FHOD3: variants seen among roughly 807,000 people sequenced by gnomAD.
The protein encoded by FHOD3 is FH1/FH2 domain-containing protein 3.
FHOD3 carries 90 observed loss-of-function variants against 173.0 expected under a neutral mutation model. The observed-to-expected ratio is 0.52, with a 90% CI of 0.44 to 0.62. The LOEUF (loss-of-function observed/expected upper bound fraction) is 0.62, where lower values mean the gene tolerates loss of function less well. Among genes scored for constraint, FHOD3 ranks in the 20% least tolerant of loss-of-function variants. FHOD3 has a pLI of 0.00. For synonymous variants in FHOD3, 828 were observed against 823.0 expected (o/e 1.01, Z -0.10); for missense variants, 1,945 against 2,034.7 (o/e 0.96, Z 0.85).
rs2040569513 is a variant in FHOD3, at chr18:36,718,265, G to A, written c.2967G>A (p.Glu989=). Residue 989 remains glutamate (E), a synonymous_variant, in exon 19 of 29, where the codon GAG becomes GAA. Coordinates refer to ENST00000590592, the MANE Select transcript of FHOD3 (RefSeq NM_001281740.3). ...IWDQLMANPR[E]LRIQDMDFTD... is the part of the protein sequence containing the mutation. ...ACCAGCTCATGGCCAATCCAAGAGA[G>A]CTCAGAATCCAAGACATGGATTTCA... The A allele has an allele frequency of 2.5e-6, 4 of 1,614,050 alleles. No homozygotes were observed. The East Asian group carries it at 6.7e-5, about 27-fold the overall frequency.
intron 3 of FHOD3, among the ~76,000 whole-genome samples, chr18:36,380,552 GTTTTCTTTTCT>G (rs2047696990): frequency 1.3e-5 from 1 of 79,454 alleles, no homozygotes; most frequent in Non-Finnish European, 2.4e-5. Context: ...TCTTTCTTTT[GTTTTCTTTTCT>G]TTTCTTTTCT....
At chr18:36,430,936 T>C (rs980396773) in intron 3 of FHOD3, among the ~76,000 whole-genome samples, 2 of 152,066 alleles carry the variant, frequency 1.3e-5, no homozygotes, top group Non-Finnish European at 2.9e-5. Flanking sequence ...TAAAAAAAAA[T>C]CAGTGTCCTC....
At chr18:36,693,794 G>A (rs1417905078) in intron 17 of FHOD3, among the ~76,000 whole-genome samples, 1 of 152,148 alleles carries the variant, frequency 6.6e-6, no homozygotes, top group South Asian at 2.1e-4. Context: ...CTTACCCGAG[G>A]AACTGTTAGT....
At chr18:36,618,155 A>G (rs1408888042) in intron 9 of FHOD3, among the ~76,000 whole-genome samples, 3 of 149,430 alleles carry the variant, frequency 2.0e-5, no homozygotes, top group African/African-American at 2.5e-5. Context: ...TTGTAACTCA[A>G]TGTTTTGCTA....
chr18:36,646,778 C>G (rs891798965), intron 10 of FHOD3, among the ~76,000 whole-genome samples: 1 of 151,992 alleles, frequency 6.6e-6, no homozygotes, highest in Non-Finnish European at 1.5e-5. Flanking sequence ...CTGGTGTAAA[C>G]AACAACAACA....
chr18:36,541,589 T>A (rs954668266), intron 5 of FHOD3, among the ~76,000 whole-genome samples: 1 of 152,130 alleles, frequency 6.6e-6, no homozygotes, highest in Admixed American at 6.5e-5. Context: ...ATTTTAGCAA[T>A]CAAAAATCTA....
chr18:36,332,408 TTCTC>T (rs2045067001), intron 1 of FHOD3, among the ~76,000 whole-genome samples: 1 of 152,194 alleles, frequency 6.6e-6, no homozygotes, highest in Admixed American at 6.5e-5. Flanking sequence ...GGAGACATGA[TTCTC>T]TCTCACAGGC....
rs147436044 is a variant in FHOD3 at position 36,659,271 on chromosome 18, C to T, written c.1835+1083C>T. Among the ~76,000 whole-genome samples, 18 of 152,250 alleles carry T rather than the reference C, an allele frequency of 1.2e-4. 1 individual carries two copies. Among genetic ancestry groups the T allele is most frequent in the East Asian group, 1.2e-3 (6 of 5,178 alleles). ...CTTCTAAGATGGCATGTAGATCCTA[C>T]GGTGTCAAGCTCTCAGATTCCACAG... On this transcript the variant is annotated intron_variant, in intron 14 of 28. Transcript: ENST00000590592.
intron 9 of FHOD3, among the ~76,000 whole-genome samples, chr18:36,620,691 G>T: frequency 6.6e-6 from 1 of 152,218 alleles, no homozygotes; most frequent in East Asian, 1.9e-4. Context: ...ATGAAGGAAG[G>T]ATGCTATTCA....
intron 5 of FHOD3, among the ~76,000 whole-genome samples, chr18:36,564,052 G>A (rs1337192788): frequency 6.6e-6 from 1 of 152,070 alleles, no homozygotes; most frequent in African/African-American, 2.4e-5. Context: ...CTTTTCCCGG[G>A]TTCATTGGCC....
chr18:36,675,411 T>C (rs1600193301), intron 14 of FHOD3, among the ~76,000 whole-genome samples: 1 of 152,238 alleles, frequency 6.6e-6, no homozygotes, highest in South Asian at 2.1e-4. Context: ...TTTGGTCTCA[T>C]ACAGGGCCAC....
intron 3 of FHOD3, among the ~76,000 whole-genome samples, chr18:36,478,608 T>C (rs747562646): frequency 6.6e-6 from 1 of 152,202 alleles, no homozygotes; most frequent in African/African-American, 2.4e-5. Flanking sequence ...TTTACAGATA[T>C]TTATCAAGGA....
At chr18:36,321,851 C>G (rs2044410666) in intron 1 of FHOD3, among the ~76,000 whole-genome samples, 1 of 152,248 alleles carries the variant, frequency 6.6e-6, no homozygotes, top group African/African-American at 2.4e-5. Context: ...TGCATTCACT[C>G]TGCCGAGTCC....
chr18:36,776,866 T>C (rs1024212180), intron 28 of FHOD3, among the ~76,000 whole-genome samples: 10 of 152,196 alleles, frequency 6.6e-5, no homozygotes, highest in African/African-American at 2.4e-4. Flanking sequence ...TTCTGTTCTC[T>C]GAGCCTGTCC....
chr18:36,344,964 C>T (rs2045811694), intron 1 of FHOD3, among the ~76,000 whole-genome samples: 1 of 152,132 alleles, frequency 6.6e-6, no homozygotes, highest in South Asian at 2.1e-4. Context: ...GAAGAGTCCA[C>T]TAGGAAGTAT....
At chr18:36,552,286 GAT>G (rs2057689915) in intron 5 of FHOD3, among the ~76,000 whole-genome samples, 2 of 152,084 alleles carry the variant, frequency 1.3e-5, no homozygotes, top group African/African-American at 4.8e-5. Context: ...CTCATGATTT[GAT>G]GCTCTGTTTG....
intron 3 of FHOD3, among the ~76,000 whole-genome samples, chr18:36,416,178 G>T (rs1913370): frequency 2.6e-5 from 4 of 151,962 alleles, no homozygotes; most frequent in Non-Finnish European, 5.9e-5. Context: ...GACTATAGGC[G>T]TGCACCATCA....
chr18:36,343,832 C>T (rs570801874), intron 1 of FHOD3, among the ~76,000 whole-genome samples: 2 of 152,112 alleles, frequency 1.3e-5, no homozygotes, highest in South Asian at 2.1e-4. Context: ...AAGACAACCA[C>T]GTATTGTATG....
intron 4 of FHOD3, among the ~76,000 whole-genome samples, chr18:36,507,555 C>T (rs2055370268): frequency 6.6e-6 from 1 of 152,174 alleles, no homozygotes; most frequent in South Asian, 2.1e-4. Flanking sequence ...TGGGGTTCAT[C>T]GCCAGGCCTT....
Sources: gnomAD v4.1 joint callset for allele counts (sites outside exome capture counted in the v4.1 genomes callset) on GRCh38, gnomAD v4.1.1 for gene constraint, MANE v1.5 for transcripts, NCBI Gene and HGNC (gene_info 2026-07-23, HGNC 2026-07-21) for gene names.